Variants in IGF2BP3 observed in about 807,000 individuals in gnomAD.
The protein encoded by IGF2BP3 is insulin-like growth factor 2 mRNA-binding protein 3.
Under a neutral mutation model 73.8 loss-of-function variants are expected in IGF2BP3, and 9 were observed. The observed-to-expected ratio is 0.12, with a 90% CI of 0.07 to 0.21. The LOEUF is 0.21. Ranked by LOEUF, IGF2BP3 falls within the 10% of genes least tolerant of loss-of-function variation. The pLI, the probability that IGF2BP3 is intolerant of heterozygous loss-of-function variation, is 1.00. For synonymous variants in IGF2BP3, 258 were observed against 256.7 expected (o/e 1.01, Z -0.05); for missense variants, 542 against 714.0 (o/e 0.76, Z 2.75).
intron 10 of IGF2BP3, among the ~76,000 whole-genome samples, chr7:23,324,770 C>T (rs1338639241): frequency 8.7e-6 from 1 of 115,348 alleles, no homozygotes; most frequent in Non-Finnish European, 1.7e-5. Context: ...GTTCAATATA[C>T]ACAAATCAAT....
chr7:23,464,632 C>T (rs1441332990), intron 2 of IGF2BP3, among the ~76,000 whole-genome samples: 1 of 150,870 alleles, frequency 6.6e-6, no homozygotes, highest in Non-Finnish European at 1.5e-5. Context: ...TGCAGTGAGC[C>T]GAGATCGTGC....
At chr7:23,335,556 C>A (rs1234505497) in intron 10 of IGF2BP3, among the ~76,000 whole-genome samples, 4 of 152,018 alleles carry the variant, frequency 2.6e-5, no homozygotes, top group Admixed American at 2.6e-4. Context: ...GGATTACAGG[C>A]ATAAACCACC....
intron 5 of IGF2BP3, among the ~76,000 whole-genome samples, chr7:23,355,562 T>C (rs1266420067): frequency 6.6e-6 from 1 of 152,032 alleles, no homozygotes; most frequent in Non-Finnish European, 1.5e-5. Context: ...AACTCTTTGC[T>C]CTTGGTGCTA....
At chr7:23,367,149 T>C (rs1281943002) in intron 3 of IGF2BP3, among the ~76,000 whole-genome samples, 1 of 152,120 alleles carries the variant, frequency 6.6e-6, no homozygotes, top group African/African-American at 2.4e-5. Context: ...TGGCTACTTT[T>C]TGTATTATAG....
chr7:23,431,823 G>A (rs185905722), intron 2 of IGF2BP3, among the ~76,000 whole-genome samples: 7 of 151,276 alleles, frequency 4.6e-5, no homozygotes, highest in East Asian at 2.0e-4. Context: ...CCCCTCCCCC[G>A]CCAACCCACA....
chr7:23,317,496 T>G, intron 12 of IGF2BP3, 143 bp downstream of exon 12: 1 of 645,994 alleles, frequency 1.5e-6, no homozygotes, highest in South Asian at 2.1e-5. Context: ...AAATATAATT[T>G]TGAGTGTGAT....
intron 9 of IGF2BP3, 104 bp downstream of exon 9, chr7:23,343,614 A>G (rs1185879798): frequency 4.5e-6 from 5 of 1,115,186 alleles, no homozygotes; most frequent in Non-Finnish European, 6.6e-6. Flanking sequence ...AACTAGAACT[A>G]CTTCTAGTGA....
chr7:23,361,873 C>A (rs1019648474), intron 3 of IGF2BP3, 132 bp from the exon 4 acceptor site: 3 of 688,830 alleles, frequency 4.4e-6, no homozygotes, highest in East Asian at 5.5e-5. Flanking sequence ...CTTTGGACTG[C>A]AGAACTAAGG....
chr7:23,352,219 CAA>C (rs150325923), intron 5 of IGF2BP3, among the ~76,000 whole-genome samples: 3 of 148,152 alleles, frequency 2.0e-5, no homozygotes, highest in Admixed American at 6.7e-5. Flanking sequence ...GGTGATAAAC[CAA>C]AAAAAAGAGT....
chr7:23,312,645 A>T, intron 14 of IGF2BP3, 90 bp downstream of exon 14: 1 of 1,014,314 alleles, frequency 9.9e-7, no homozygotes, highest in Non-Finnish European at 1.5e-6. Flanking sequence ...GCATCAAACA[A>T]CCTTAACTAA....
rs541037656 is a variant in IGF2BP3, at chr7:23,381,933, A to G, written c.286-20192T>C. Among the ~76,000 whole-genome samples, 3 of 152,310 alleles carry G rather than the reference A, an allele frequency of 2.0e-5. No individual in the cohort carries two copies. In the South Asian group the frequency reaches 6.2e-4, roughly 32 times the overall value. On this transcript the variant is annotated intron_variant, in intron 3 of 14. Transcript: ENST00000258729. The stretch of plus-strand genomic sequence containing the variant: ...TAAAATTAACAGTAATCACTGGGCA[A>G]AGATGTAACATTTGCACTGTTCATT...
chr7:23,342,224 TA>T (rs1562686206), intron 9 of IGF2BP3, 35 bp from the exon 10 acceptor site: 2 of 1,610,670 alleles, frequency 1.2e-6, no homozygotes. Flanking sequence ...ATTTGACAAT[TA>T]AAAGAATCAA....
Position 23,361,686 on chromosome 7 carries a change from G to A in IGF2BP3, c.337+4C>T. The A allele has an allele frequency of 6.2e-7, 1 of 1,613,850 alleles. No individual in the cohort carries two copies. The highest frequency in any genetic ancestry group is 8.5e-7 in the Non-Finnish European group (1 of 1,179,760). On this transcript the variant is annotated splice_donor_region_variant and intron_variant, in intron 4 of 14. Transcript: ENST00000258729. ...AATTTGAAAGCAATTCAGAAGACAT[G>A]TACCTTGCTCACAGCTCTCCACCAC...
At chr7:23,374,063 T>C (rs1785642636) in intron 3 of IGF2BP3, among the ~76,000 whole-genome samples, 1 of 152,176 alleles carries the variant, frequency 6.6e-6, no homozygotes, top group African/African-American at 2.4e-5. Context: ...ACCTATTTTC[T>C]TTACAAGGTA....
chr7:23,443,152 A>C (rs1055412018), intron 2 of IGF2BP3, among the ~76,000 whole-genome samples: 2 of 115,388 alleles, frequency 1.7e-5, no homozygotes, highest in East Asian at 4.9e-4. Flanking sequence ...TTGCTCTGTC[A>C]CCCAGGCTGG....
At chr7:23,414,837 G>A (rs1467204529) in intron 3 of IGF2BP3, 1 of 171,284 alleles carries the variant, frequency 5.8e-6, no homozygotes, top group Non-Finnish European at 1.2e-5. Flanking sequence ...CCGTCCATCA[G>A]TCGACATCAG....
rs1382936614 is a variant in IGF2BP3 at position 23,312,936 on chromosome 7, G to A, written c.1528-88C>T. 5.2e-5 allele frequency: 38 copies of A among 726,230 alleles called. No homozygotes were observed. In the East Asian group the frequency reaches 1.0e-3, roughly 19 times the overall value. 45.0% of individuals were successfully genotyped at this position (726,230 alleles called of 1,614,324 possible). On this transcript the variant is annotated intron_variant, in intron 13 of 14. Transcript: ENST00000258729. ...TACTGTGCGCCAGACAGTGAGCTAT[G>A]TATGGCTTTACAAATTTCATTTAAT...
At chr7:23,451,114 C>T (rs12536750) in intron 2 of IGF2BP3, among the ~76,000 whole-genome samples, 4 of 151,860 alleles carry the variant, frequency 2.6e-5, no homozygotes, top group Non-Finnish European at 5.9e-5. Flanking sequence ...AAAAACAGTT[C>T]TCTTTTATAA....
intron 10 of IGF2BP3, among the ~76,000 whole-genome samples, chr7:23,335,457 G>GTT (rs574414368): frequency 3.3e-4 from 48 of 143,544 alleles, no homozygotes; most frequent in African/African-American, 1.0e-3. Context: ...ATCTAAAAAA[G>GTT]TTTTTTTTTT....
Sources: gnomAD v4.1 joint callset for allele counts (sites outside exome capture counted in the v4.1 genomes callset) on GRCh38, gnomAD v4.1.1 for gene constraint, MANE v1.5 for transcripts, NCBI Gene and HGNC (gene_info 2026-07-23, HGNC 2026-07-21) for gene names.